Variants in CNTNAP2 observed in about 807,000 individuals in gnomAD.
CNTNAP2 encodes the protein contactin-associated protein-like 2.
A neutral mutation model predicts 155.2 loss-of-function variants in CNTNAP2; 98 were observed. The ratio of observed to expected loss-of-function variants is 0.63; its 90% CI spans 0.54 to 0.75. The LOEUF is 0.75. CNTNAP2 is among the 30% of genes least tolerant of loss of function. The pLI, the probability that CNTNAP2 is intolerant of heterozygous loss-of-function variation, is 0.00. For synonymous variants in CNTNAP2, 651 were observed against 631.2 expected (o/e 1.03, Z -0.47); for missense variants, 1,727 against 1,688.1 (o/e 1.02, Z -0.40).
At chr7:147,714,123 G>A (rs891026503) in intron 13 of CNTNAP2, among the ~76,000 whole-genome samples, 1 of 152,096 alleles carries the variant, frequency 6.6e-6, no homozygotes, top group Admixed American at 6.6e-5. Flanking sequence ...CCCTATGAAT[G>A]TGCTGGGTGG....
At chr7:146,189,793 T>C (rs2116849723) in intron 1 of CNTNAP2, among the ~76,000 whole-genome samples, 1 of 152,322 alleles carries the variant, frequency 6.6e-6, no homozygotes, top group African/African-American at 2.4e-5. Flanking sequence ...TTGAACACTT[T>C]TGCTCATTTA....
intron 1 of CNTNAP2, among the ~76,000 whole-genome samples, chr7:146,146,453 A>C (rs1356083569): frequency 1.3e-5 from 2 of 152,180 alleles, no homozygotes; most frequent in African/African-American, 4.8e-5. Context: ...TATTAATTCA[A>C]TAATGTAGGC....
At chr7:147,736,637 T>C (rs1796850545) in intron 13 of CNTNAP2, among the ~76,000 whole-genome samples, 1 of 152,150 alleles carries the variant, frequency 6.6e-6, no homozygotes, top group Non-Finnish European at 1.5e-5. Context: ...GGTTCCATTC[T>C]TCCCGTCACT....
At chr7:146,297,876 T>C (rs1294007432) in intron 1 of CNTNAP2, among the ~76,000 whole-genome samples, 2 of 152,176 alleles carry the variant, frequency 1.3e-5, no homozygotes, top group East Asian at 3.9e-4. Context: ...AATGTGAATG[T>C]GTGTACCCTT....
chr7:147,573,911 A>T (rs1257377185), intron 12 of CNTNAP2, among the ~76,000 whole-genome samples: 1 of 152,164 alleles, frequency 6.6e-6, no homozygotes, highest in African/African-American at 2.4e-5. Flanking sequence ...AGTACAACCT[A>T]CTTCTTCTCT....
intron 8 of CNTNAP2, among the ~76,000 whole-genome samples, chr7:147,238,303 C>T (rs920790952): frequency 7.2e-5 from 11 of 152,304 alleles, no homozygotes; most frequent in African/African-American, 2.6e-4. Context: ...GCGTGAGCCA[C>T]CGTGCCCGGC....
chr7:146,317,872 C>T (rs374469078), intron 1 of CNTNAP2, among the ~76,000 whole-genome samples: 3 of 152,262 alleles, frequency 2.0e-5, no homozygotes, highest in East Asian at 1.9e-4. Context: ...CCGGGCATGG[C>T]GGCTCACGCC....
At chr7:148,243,942 C>G (rs1796206180) in intron 20 of CNTNAP2, among the ~76,000 whole-genome samples, 1 of 152,124 alleles carries the variant, frequency 6.6e-6, no homozygotes, top group Admixed American at 6.5e-5. Flanking sequence ...GTATTTTAGC[C>G]CACTGTGTAT....
At chr7:146,483,835 C>T (rs967052174) in intron 1 of CNTNAP2, among the ~76,000 whole-genome samples, 1 of 151,926 alleles carries the variant, frequency 6.6e-6, no homozygotes, top group African/African-American at 2.4e-5. Context: ...ATAAAGTTAC[C>T]GTAAGCTAAG....
chr7:147,389,840 A>T (rs1433997645), intron 9 of CNTNAP2, among the ~76,000 whole-genome samples: 1 of 152,222 alleles, frequency 6.6e-6, no homozygotes, highest in Admixed American at 6.5e-5. Flanking sequence ...AAATTCAAAG[A>T]TATAACAAAA....
rs36020816 is a variant in CNTNAP2 at position 148,405,420 on chromosome 7, A to ATTTTTTTTT, written c.3716-3953_3716-3945dup. The stretch of plus-strand genomic sequence containing the variant: ...TCAAGGGAACCAGATTACCATTGTA[A>ATTTTTTTTT]TTTTTTTTTTTTTTTTTTTTTTTTT... On this transcript the variant is annotated intron_variant, in intron 22 of 23. Coordinates refer to ENST00000361727, the MANE Select transcript of CNTNAP2 (RefSeq NM_014141.6). Among the ~76,000 whole-genome samples the ATTTTTTTTT allele has an allele frequency of 2.8e-4, 18 of 64,282 alleles. 4 individuals carry two copies. Among genetic ancestry groups the ATTTTTTTTT allele is most frequent in the African/African-American group, 1.1e-3 (14 of 12,622 alleles). The allele number at this position is 64,282 out of a possible 152,430, so 42.2% of individuals were successfully genotyped here.
At chr7:146,205,374 G>T (rs113235094) in intron 1 of CNTNAP2, among the ~76,000 whole-genome samples, 3,375 of 151,968 alleles carry the variant, frequency 0.022, 49 homozygotes, top group Middle Eastern at 0.044. Context: ...CTGAGTCAAA[G>T]ACTATTCTAG....
intron 1 of CNTNAP2, among the ~76,000 whole-genome samples, chr7:146,293,868 A>C (rs983853683): frequency 2.0e-5 from 3 of 152,198 alleles, no homozygotes; most frequent in African/African-American, 7.2e-5. Flanking sequence ...CCATAATGTA[A>C]AAGTGGTTCT....
chr7:146,366,350 T>C (rs901984013), intron 1 of CNTNAP2, among the ~76,000 whole-genome samples: 5 of 152,190 alleles, frequency 3.3e-5, no homozygotes, highest in African/African-American at 1.2e-4. Flanking sequence ...ATAACATTTT[T>C]CTAATCAAGT....
intron 1 of CNTNAP2, among the ~76,000 whole-genome samples, chr7:146,685,894 C>T (rs1211845888): frequency 6.6e-6 from 1 of 152,116 alleles, no homozygotes; most frequent in Non-Finnish European, 1.5e-5. Context: ...TATATCTCTA[C>T]AGTTATGTGT....
chr7:146,336,173 TG>T (rs768261885), intron 1 of CNTNAP2, among the ~76,000 whole-genome samples: 6 of 149,686 alleles, frequency 4.0e-5, no homozygotes, highest in Non-Finnish European at 8.9e-5. Flanking sequence ...CACTCCAGCC[TG>T]GGCAACACGA....
chr7:146,846,949 G>T (rs758516335), intron 3 of CNTNAP2, among the ~76,000 whole-genome samples: 2 of 143,982 alleles, frequency 1.4e-5, no homozygotes, highest in Non-Finnish European at 2.9e-5. Context: ...AACAAGATTT[G>T]TTATCAATTA....
chr7:146,313,551 A>G (rs141146911), intron 1 of CNTNAP2, among the ~76,000 whole-genome samples: 14 of 152,180 alleles, frequency 9.2e-5, no homozygotes, highest in African/African-American at 3.4e-4. Context: ...AGTTTGAGGC[A>G]ATTCCGTTTG....
intron 9 of CNTNAP2, among the ~76,000 whole-genome samples, chr7:147,382,586 C>T (rs1229938004): frequency 6.6e-6 from 1 of 152,104 alleles, no homozygotes; most frequent in African/African-American, 2.4e-5. Context: ...TCAAACTAAA[C>T]TTTGGATATA....
Sources: allele counts gnomAD v4.1 joint callset (sites outside exome capture counted in the v4.1 genomes callset), GRCh38; gene constraint gnomAD v4.1.1; transcripts MANE v1.5; gene names NCBI Gene and HGNC (gene_info 2026-07-23, HGNC 2026-07-21).